RUNDC3B: variants seen among roughly 807,000 people sequenced by gnomAD.
The protein encoded by RUNDC3B is RUN domain containing 3B, also known as RUN domain-containing protein 3B.
A neutral mutation model predicts 58.4 loss-of-function variants in RUNDC3B; 33 were observed. That is an observed-to-expected ratio of 0.56 (90% CI 0.43 to 0.75). The LOEUF is 0.75. RUNDC3B is among the 30% of genes least tolerant of loss of function. The pLI is 0.00. For synonymous variants in RUNDC3B, 193 were observed against 195.2 expected, an observed-to-expected ratio of 0.99 and a Z score of 0.10; for missense variants, 501 against 535.7, an observed-to-expected ratio of 0.94 and a Z score of 0.64.
intron 8 of RUNDC3B, 107 bp downstream of exon 8, chr7:87,778,062 A>T (rs1834737569): frequency 1.1e-6 from 1 of 888,064 alleles, no homozygotes; most frequent in Non-Finnish European, 1.7e-6. Context: ...TGCCTGTTAA[A>T]TTCTTTTTCA....
intron 2 of RUNDC3B, among the ~76,000 whole-genome samples, chr7:87,684,155 A>G (rs926698532): frequency 6.6e-6 from 1 of 152,238 alleles, no homozygotes; most frequent in African/African-American, 2.4e-5. Context: ...AAGGGCATCT[A>G]CAGAAGTTTA....
intron 7 of RUNDC3B, among the ~76,000 whole-genome samples, chr7:87,775,553 G>A (rs1408637826): frequency 6.6e-6 from 1 of 152,146 alleles, no homozygotes; most frequent in East Asian, 1.9e-4. Context: ...AAAGTCTACA[G>A]TAGTGTACAG....
At chr7:87,638,888 C>G (rs1258175814) in intron 1 of RUNDC3B, among the ~76,000 whole-genome samples, 1 of 152,146 alleles carries the variant, frequency 6.6e-6, no homozygotes, top group East Asian at 1.9e-4. Context: ...CATGGTGGCT[C>G]ACACCTGTAA....
intron 4 of RUNDC3B, among the ~76,000 whole-genome samples, chr7:87,728,603 C>A (rs1365500963): frequency 6.6e-6 from 1 of 152,190 alleles, no homozygotes; most frequent in African/African-American, 2.4e-5. Context: ...ACATCTTCTT[C>A]TCTGAGGCTG....
At chr7:87,724,607 A>G (rs182419852) in intron 4 of RUNDC3B, among the ~76,000 whole-genome samples, 2,367 of 152,150 alleles carry the variant, frequency 0.016, 40 homozygotes, top group South Asian at 0.024. Context: ...GAAAATAATA[A>G]TAATAATAAA....
At chr7:87,676,196 C>A (rs185141393) in intron 2 of RUNDC3B, among the ~76,000 whole-genome samples, 61 of 152,190 alleles carry the variant, frequency 4.0e-4, no homozygotes, top group Admixed American at 7.2e-4. Flanking sequence ...CACTATATTC[C>A]AGGCTGGGTG....
intron 6 of RUNDC3B, among the ~76,000 whole-genome samples, chr7:87,758,785 C>G (rs909788683): frequency 6.6e-6 from 1 of 152,136 alleles, no homozygotes; most frequent in African/African-American, 2.4e-5. Context: ...GAGATATCAT[C>G]TCACTCTAGT....
chr7:87,736,039 GT>G (rs1831910256), intron 4 of RUNDC3B, among the ~76,000 whole-genome samples: 1 of 152,072 alleles, frequency 6.6e-6, no homozygotes, highest in Admixed American at 6.5e-5. Flanking sequence ...TTTTTCATCA[GT>G]TTTTCATTTT....
chr7:87,814,768 A>T (rs1454868303), intron 9 of RUNDC3B, among the ~76,000 whole-genome samples: 4 of 152,214 alleles, frequency 2.6e-5, no homozygotes, highest in African/African-American at 9.6e-5. Context: ...AATTATTTTA[A>T]ATAAGGACTT....
Position 87,739,805 on chromosome 7 carries a change from A to G in RUNDC3B, c.473A>G (p.Asp158Gly). 1.3e-6 allele frequency: 2 copies of G among 1,563,442 alleles called. No individual in the cohort carries two copies. Among genetic ancestry groups the G allele is most frequent in the South Asian group, 1.2e-5 (1 of 86,594 alleles). The change falls in exon 5 of 11, where the codon GAT becomes GGT. Residue 158 changes from aspartate (D) to glycine (G), a missense_variant. Physicochemically the swap from Asp to Gly is moderately conservative, Grantham distance 94. Transcript: ENST00000394654. Reference sequence around the variant, plus strand: ...TCATTTTTTAGGAGATTTTATGAAGATGGAGCAATTGTCTTGGGTGAAGAA... The same window carrying G: ...TCATTTTTTAGGAGATTTTATGAAGGTGGAGCAATTGTCTTGGGTGAAGAA... ...DFKTTRRFYE[D>G]GAIVLGEEAN... is the part of the protein sequence containing the mutation.
chr7:87,813,367 G>A (rs1288327853), intron 9 of RUNDC3B, among the ~76,000 whole-genome samples: 1 of 152,134 alleles, frequency 6.6e-6, no homozygotes, highest in African/African-American at 2.4e-5. Context: ...GCAGTGGGTT[G>A]TAGTGTTGGA....
chr7:87,778,189 T>A (rs1489410435), intron 8 of RUNDC3B, among the ~76,000 whole-genome samples: 2 of 152,032 alleles, frequency 1.3e-5, no homozygotes, highest in Non-Finnish European at 2.9e-5. Context: ...ATATCTGTAA[T>A]CCCCCCACTG....
At chr7:87,784,754 G>A (rs1835114880) in intron 8 of RUNDC3B, among the ~76,000 whole-genome samples, 1 of 131,368 alleles carries the variant, frequency 7.6e-6, no homozygotes, top group Non-Finnish European at 1.6e-5. Context: ...TGTGGTAGGG[G>A]GGAGATGTTG....
chr7:87,736,668 A>G (rs1212353225), intron 4 of RUNDC3B, among the ~76,000 whole-genome samples: 1 of 150,758 alleles, frequency 6.6e-6, no homozygotes, highest in Non-Finnish European at 1.5e-5. Flanking sequence ...ATAGTCTCTA[A>G]TATAAAAATC....
chr7:87,646,492 C>T (rs1268436825), intron 1 of RUNDC3B, among the ~76,000 whole-genome samples: 1 of 152,092 alleles, frequency 6.6e-6, no homozygotes, highest in African/African-American at 2.4e-5. Context: ...GCATTACTAT[C>T]TTAAATGGCA....
At chr7:87,795,520 A>T (rs528867220) in intron 8 of RUNDC3B, among the ~76,000 whole-genome samples, 1 of 152,248 alleles carries the variant, frequency 6.6e-6, no homozygotes, top group East Asian at 1.9e-4. Context: ...ACCCTTGTAC[A>T]CTGTTGGTGG....
chr7:87,655,989 T>A (rs1362979915), intron 2 of RUNDC3B, among the ~76,000 whole-genome samples: 1 of 152,130 alleles, frequency 6.6e-6, no homozygotes, highest in Non-Finnish European at 1.5e-5. Context: ...AGGTACCACC[T>A]TGGAAGCAGA....
chr7:87,698,870 CT>C (rs1828750347), intron 2 of RUNDC3B, among the ~76,000 whole-genome samples: 1 of 152,250 alleles, frequency 6.6e-6, no homozygotes, highest in Admixed American at 6.5e-5. Flanking sequence ...TGGAAGAGGC[CT>C]TTAAAACACC....
At chr7:87,690,018 CAG>C (rs1827867196) in intron 2 of RUNDC3B, among the ~76,000 whole-genome samples, 4 of 151,832 alleles carry the variant, frequency 2.6e-5, no homozygotes, top group South Asian at 2.1e-4. Flanking sequence ...TTTATAGAGA[CAG>C]AGTCTCACTG....
Sources: allele counts gnomAD v4.1 joint callset (sites outside exome capture counted in the v4.1 genomes callset), GRCh38; gene constraint gnomAD v4.1.1; transcripts MANE v1.5; gene names NCBI Gene and HGNC (gene_info 2026-07-23, HGNC 2026-07-21).